The following EXOC6B variants were observed in gnomAD, a reference collection of about 807,000 sequenced individuals.
EXOC6B encodes SEC15 homolog B.
Under a neutral mutation model 113.5 loss-of-function variants are expected in EXOC6B, and 54 were observed. The observed-to-expected ratio is 0.48, with a 90% CI of 0.38 to 0.60. The LOEUF (loss-of-function observed/expected upper bound fraction) is 0.60. Among genes scored for constraint, EXOC6B ranks in the 20% least tolerant of loss-of-function variants. The probability of loss-of-function intolerance (pLI) is 0.00; values close to 1 mark genes in which losing one functional copy is unlikely to be tolerated. For synonymous variants in EXOC6B, 357 were observed against 339.0 expected, an observed-to-expected ratio of 1.05 and a Z score of -0.58; for missense variants, 797 against 977.5, an observed-to-expected ratio of 0.82 and a Z score of 2.46.
At chr2:72,823,656 A>T (rs188685652) in intron 1 of EXOC6B, among the ~76,000 whole-genome samples, 2 of 151,720 alleles carry the variant, frequency 1.3e-5, no homozygotes, top group African/African-American at 4.8e-5. Context: ...ATGGTGGCGA[A>T]CGCCTGTAGT....
At chr2:72,365,741 C>A (rs1690584321) in intron 19 of EXOC6B, among the ~76,000 whole-genome samples, 1 of 152,066 alleles carries the variant, frequency 6.6e-6, no homozygotes, top group Admixed American at 6.6e-5. Context: ...GAGAAAGAAC[C>A]ATTAGAAATG....
intron 6 of EXOC6B, among the ~76,000 whole-genome samples, chr2:72,586,263 T>A (rs1055956379): frequency 2.6e-5 from 4 of 151,996 alleles, no homozygotes; most frequent in African/African-American, 9.7e-5. Context: ...CTAATTAAAC[T>A]AAAGAGCTAC....
At chr2:72,246,954 T>C (rs779264846) in intron 20 of EXOC6B, among the ~76,000 whole-genome samples, 18 of 152,162 alleles carry the variant, frequency 1.2e-4, no homozygotes, top group Non-Finnish European at 2.4e-4. Context: ...TTTTGAGGTT[T>C]CTGAGTTTCC....
chr2:72,208,630 GCT>G lies in EXOC6B; in HGVS notation c.2197-24445_2197-24444del, dbSNP rs1280476731. On this transcript the variant is annotated intron_variant, in intron 20 of 21. Transcript: ENST00000272427. The stretch of plus-strand genomic sequence containing the variant: ...AAAGGGATTGCTGGGTCAAATGGGA[GCT>G]CTGTTTTAAGTTCAGGTCTCATCTT... Among the ~76,000 whole-genome samples the G allele has an allele frequency of 5.9e-5, 9 of 152,156 alleles. No individual in the cohort carries two copies. In the East Asian group the frequency reaches 1.4e-3, roughly 23 times the overall value.
intron 20 of EXOC6B, among the ~76,000 whole-genome samples, chr2:72,286,481 C>T (rs942514529): frequency 6.6e-6 from 1 of 151,968 alleles, no homozygotes; most frequent in Non-Finnish European, 1.5e-5. Flanking sequence ...TCAGTGGCTG[C>T]CAGGGGTTGG....
intron 6 of EXOC6B, among the ~76,000 whole-genome samples, chr2:72,606,556 C>T (rs908313575): frequency 5.9e-5 from 9 of 151,848 alleles, no homozygotes; most frequent in African/African-American, 9.7e-5. Context: ...CAGTAAGACC[C>T]TTTCTCTACA....
Position 72,256,269 on chromosome 2 carries a change from G to A in EXOC6B, c.2197-72082C>T, listed in dbSNP as rs13400249. On this transcript the variant is annotated intron_variant, in intron 20 of 21. Transcript: ENST00000272427. ...TTGACTGTGGCCTCCAGAACGGTTA[G>A]AAATAAAATTCTTGCTTTAAGCCAT... is the stretch of plus-strand genomic sequence containing the variant. 4.1e-3 allele frequency among the ~76,000 whole-genome samples: 626 copies of A among 152,290 alleles called. 5 individuals carry two copies. The highest frequency in any genetic ancestry group is 0.014 in the African/African-American group (594 of 41,550).
At chr2:72,363,902 C>T (rs1421210005) in intron 19 of EXOC6B, among the ~76,000 whole-genome samples, 1 of 152,048 alleles carries the variant, frequency 6.6e-6, no homozygotes, top group Non-Finnish European at 1.5e-5. Flanking sequence ...ATATCTCAGG[C>T]TCTTGGTAGT....
At chr2:72,356,719 C>T (rs1052469290) in intron 19 of EXOC6B, among the ~76,000 whole-genome samples, 1 of 152,074 alleles carries the variant, frequency 6.6e-6, no homozygotes, top group South Asian at 2.1e-4. Context: ...AAACACCCAA[C>T]GCTTGCTTTC....
At chr2:72,308,288 C>G (rs1045115432) in intron 20 of EXOC6B, among the ~76,000 whole-genome samples, 3 of 152,142 alleles carry the variant, frequency 2.0e-5, no homozygotes, top group Non-Finnish European at 4.4e-5. Context: ...TGGATCATAT[C>G]TTTAAACATC....
At chr2:72,634,516 A>G (rs1672695103) in intron 6 of EXOC6B, among the ~76,000 whole-genome samples, 2 of 152,178 alleles carry the variant, frequency 1.3e-5, no homozygotes, top group African/African-American at 4.8e-5. Context: ...GATTTTACAC[A>G]CCAACAGAAA....
At chr2:72,341,935 C>T (rs1001101015) in intron 19 of EXOC6B, among the ~76,000 whole-genome samples, 16 of 151,990 alleles carry the variant, frequency 1.1e-4, no homozygotes, top group African/African-American at 3.1e-4. Context: ...AAATCAATAA[C>T]AAGAAGTTAT....
At chr2:72,593,200 A>G (rs953347352) in intron 6 of EXOC6B, among the ~76,000 whole-genome samples, 1 of 152,072 alleles carries the variant, frequency 6.6e-6, no homozygotes, top group Non-Finnish European at 1.5e-5. Context: ...CCATTTGGCT[A>G]TTCTTAAGTT....
At chr2:72,235,609 AT>A (rs1414493808) in intron 20 of EXOC6B, among the ~76,000 whole-genome samples, 1 of 152,196 alleles carries the variant, frequency 6.6e-6, no homozygotes. Context: ...TAGCTTCTAG[AT>A]GATGCTGTCT....
intron 12 of EXOC6B, among the ~76,000 whole-genome samples, chr2:72,498,783 T>A (rs1002380701): frequency 3.9e-5 from 6 of 152,004 alleles, no homozygotes; most frequent in Non-Finnish European, 7.4e-5. Context: ...GAGAAAAAGA[T>A]GAAAATTAAA....
At chr2:72,788,275 A>C (rs896049373) in intron 1 of EXOC6B, among the ~76,000 whole-genome samples, 6 of 152,240 alleles carry the variant, frequency 3.9e-5, no homozygotes, top group Admixed American at 6.5e-5. Context: ...ATAAGCATTA[A>C]CTGTTGTTAT....
intron 1 of EXOC6B, among the ~76,000 whole-genome samples, chr2:72,792,080 A>G (rs773596718): frequency 2.0e-5 from 3 of 152,242 alleles, no homozygotes; most frequent in African/African-American, 2.4e-5. Flanking sequence ...ATAGAATCCA[A>G]TGTTCTTCAG....
intron 19 of EXOC6B, among the ~76,000 whole-genome samples, chr2:72,349,634 T>C (rs754801828): frequency 6.6e-6 from 1 of 152,206 alleles, no homozygotes; most frequent in Non-Finnish European, 1.5e-5. Context: ...TCAGATTCCA[T>C]GAGGAGTGGA....
chr2:72,283,494 T>C (rs1041795504), intron 20 of EXOC6B, among the ~76,000 whole-genome samples: 4 of 152,270 alleles, frequency 2.6e-5, no homozygotes, highest in Admixed American at 2.6e-4. Flanking sequence ...GAACTGTAGT[T>C]GAGGAATTGC....
Sources: gnomAD v4.1 joint callset for allele counts (sites outside exome capture counted in the v4.1 genomes callset) on GRCh38, gnomAD v4.1.1 for gene constraint, MANE v1.5 for transcripts, NCBI Gene and HGNC (gene_info 2026-07-23, HGNC 2026-07-21) for gene names.